DIP2C: variants seen among roughly 807,000 people sequenced by gnomAD.
DIP2C encodes the protein DIP2 acetate--CoA ligase C (putative), also known as disco-interacting protein 2 homolog C.
Under a neutral mutation model 192.4 loss-of-function variants are expected in DIP2C, and 33 were observed. The observed-to-expected ratio is 0.17, with a 90% CI of 0.13 to 0.23. The LOEUF is 0.23. Ranked by LOEUF, DIP2C falls within the 10% of genes least tolerant of loss-of-function variation. DIP2C has a pLI of 1.00. For missense variants in DIP2C, 1,537 were observed against 2,110.1 expected, an observed-to-expected ratio of 0.73 and a Z score of 5.32; for synonymous variants, 979 against 864.1, an observed-to-expected ratio of 1.13 and a Z score of -2.33.
At chr10:414,186 G>A in intron 7 of DIP2C, 76 bp from the exon 8 acceptor site, 1 of 1,465,114 alleles carries the variant, frequency 6.8e-7, no homozygotes, top group Non-Finnish European at 9.2e-7. Flanking sequence ...TCTTTATAAA[G>A]AAGCCAAGAG....
chr10:603,262 G>A (rs1444632277), intron 1 of DIP2C, among the ~76,000 whole-genome samples: 1 of 117,952 alleles, frequency 8.5e-6, no homozygotes, highest in Admixed American at 1.2e-4. Flanking sequence ...CTGCGCCACT[G>A]TACTCCAATC....
At chr10:590,226 A>G (rs945318973) in intron 1 of DIP2C, among the ~76,000 whole-genome samples, 1 of 152,236 alleles carries the variant, frequency 6.6e-6, no homozygotes, top group Non-Finnish European at 1.5e-5. Context: ...GGCCAGGGGC[A>G]ACCAAGGTAG....
chr10:375,789 A>C (rs963730015), intron 17 of DIP2C, among the ~76,000 whole-genome samples: 1 of 152,240 alleles, frequency 6.6e-6, no homozygotes, highest in Admixed American at 6.5e-5. Flanking sequence ...AGGGCTTAAC[A>C]GAGAGCCACA....
chr10:427,804 G>A (rs1452457430), intron 4 of DIP2C, among the ~76,000 whole-genome samples: 1 of 152,170 alleles, frequency 6.6e-6, no homozygotes, highest in African/African-American at 2.4e-5. Context: ...CTCATATACT[G>A]CTGGTGGCAG....
intron 6 of DIP2C, among the ~76,000 whole-genome samples, chr10:418,622 T>TA (rs1189105665): frequency 2.0e-5 from 3 of 152,160 alleles, no homozygotes; most frequent in Non-Finnish European, 4.4e-5. Context: ...CCAACGTGGA[T>TA]AAAAAGACCC....
chr10:371,148 TCCCCTCACCCTG>T (rs879689594), intron 17 of DIP2C, among the ~76,000 whole-genome samples: 688 of 52,854 alleles, frequency 0.013, 6 homozygotes, highest in Non-Finnish European at 0.034. Context: ...CCTGCCACCA[TCCCCTCACCCTG>T]CACCATCCCC....
chr10:671,373 CA>C (rs1830629205), intron 1 of DIP2C, among the ~76,000 whole-genome samples: 1 of 124,142 alleles, frequency 8.1e-6, no homozygotes. Context: ...ACGGAGGAAA[CA>C]GGCCACAGAC....
intron 1 of DIP2C, among the ~76,000 whole-genome samples, chr10:680,077 G>A (rs1831076956): frequency 6.6e-6 from 1 of 152,184 alleles, no homozygotes; most frequent in South Asian, 2.1e-4. Flanking sequence ...GATGCTGACA[G>A]TGTGGGCCCA....
intron 3 of DIP2C, among the ~76,000 whole-genome samples, chr10:471,424 G>A (rs757662337): frequency 6.6e-6 from 1 of 152,096 alleles, no homozygotes; most frequent in Non-Finnish European, 1.5e-5. Context: ...GGTGAGTTCC[G>A]AGACTCACAG....
rs1049319614 is a variant in DIP2C at position 274,440 on chromosome 10, C to T, written c.*2885G>A. 1 of 152,126 alleles carries T rather than the reference C, an allele frequency of 6.6e-6. No homozygotes were observed. Among genetic ancestry groups the T allele is most frequent in the African/African-American group, 2.4e-5 (1 of 41,420 alleles). The allele number at this position is 152,126 out of a possible 1,614,324, so 9.4% of individuals were successfully genotyped here. ...CTGTCCCAGACATCTTTCCAGGGGA[C>T]CAATTAAGAAACTGCTATTTTCAGA... On this transcript the variant is annotated 3_prime_UTR_variant, in exon 37 of 37. Transcript: ENST00000280886.
intron 10 of DIP2C, among the ~76,000 whole-genome samples, chr10:394,045 C>T (rs1390279975): frequency 6.6e-6 from 1 of 152,216 alleles, no homozygotes; most frequent in Non-Finnish European, 1.5e-5. Context: ...TATGATCCAG[C>T]AATCTTGCTA....
At chr10:321,575 G>C (rs1826830207) in intron 31 of DIP2C, among the ~76,000 whole-genome samples, 1 of 128,054 alleles carries the variant, frequency 7.8e-6, no homozygotes, top group South Asian at 2.5e-4. Context: ...AGTCAGTCGG[G>C]GGTGCGGGGC....
At chr10:493,620 G>A (rs529636739) in intron 1 of DIP2C, among the ~76,000 whole-genome samples, 6 of 152,256 alleles carry the variant, frequency 3.9e-5, no homozygotes, top group East Asian at 1.9e-4. Flanking sequence ...AGTCTCTCAC[G>A]CTCCACCCTC....
chr10:320,870 G>A (rs777803414), intron 31 of DIP2C, among the ~76,000 whole-genome samples: 4 of 152,222 alleles, frequency 2.6e-5, no homozygotes, highest in Non-Finnish European at 5.9e-5. Flanking sequence ...GTGTGAAGGA[G>A]GAGGAACAAA....
At chr10:422,521 G>C (rs186322278) in intron 5 of DIP2C, among the ~76,000 whole-genome samples, 13 of 152,178 alleles carry the variant, frequency 8.5e-5, no homozygotes, top group Non-Finnish European at 1.8e-4. Flanking sequence ...TTAAAACCCT[G>C]TCCTGTTGAT....
rs1048328524 is a variant in DIP2C, at chr10:277,235, G to C, written c.*90C>G. The C allele has an allele frequency of 6.5e-7, 1 of 1,543,300 alleles. No individual in the cohort carries two copies. Among genetic ancestry groups the C allele is most frequent in the South Asian group, 1.2e-5 (1 of 80,900 alleles). On this transcript the variant is annotated 3_prime_UTR_variant, in exon 37 of 37. Transcript: ENST00000280886. ...TCTCACCACAAATGGCTGTATTCTG[G>C]TGAGTGTTGCCCTGTGTCTGCACGC... is the stretch of plus-strand genomic sequence containing the variant.
At chr10:415,125 G>A (rs892867412) in intron 7 of DIP2C, among the ~76,000 whole-genome samples, 2 of 151,866 alleles carry the variant, frequency 1.3e-5, no homozygotes. Flanking sequence ...ACTAAAATCA[G>A]TGCATCATAA....
intron 4 of DIP2C, among the ~76,000 whole-genome samples, chr10:439,381 A>T (rs1967540947): frequency 6.6e-6 from 1 of 152,220 alleles, no homozygotes; most frequent in South Asian, 2.1e-4. Context: ...GCCCGCTGGC[A>T]CTGTGTTCTT....
chr10:450,636 G>A lies in DIP2C; in HGVS notation c.269-9640C>T, dbSNP rs750765555. The stretch of plus-strand genomic sequence containing the variant: ...AGCAGCAAGAGAGACAGAGCTCCAC[G>A]CATGAGCAGCCACAGCACCTGGGTC... On this transcript the variant is annotated intron_variant, in intron 3 of 36. Coordinates refer to ENST00000280886, the MANE Select transcript of DIP2C (RefSeq NM_014974.3). Among the ~76,000 whole-genome samples the A allele has an allele frequency of 1.4e-3, 211 of 152,314 alleles. 1 individual carries two copies. Among genetic ancestry groups the A allele is most frequent in the African/African-American group, 2.6e-3 (110 of 41,586 alleles).
Sources: allele counts gnomAD v4.1 joint callset (sites outside exome capture counted in the v4.1 genomes callset), GRCh38; gene constraint gnomAD v4.1.1; transcripts MANE v1.5; gene names NCBI Gene and HGNC (gene_info 2026-07-23, HGNC 2026-07-21).